The following PTK2 variants were observed in gnomAD, a reference collection of about 807,000 sequenced individuals.
PTK2 encodes protein tyrosine kinase 2.
In PTK2, 45 loss-of-function variants were observed where a neutral mutation model predicts 150.1. That is an observed-to-expected ratio of 0.30 (90% CI 0.24 to 0.38). PTK2 has a LOEUF of 0.38. Among genes scored for constraint, PTK2 ranks in the 10% least tolerant of loss-of-function variants. The pLI, the probability that PTK2 is intolerant of heterozygous loss-of-function variation, is 1.00. For missense variants in PTK2, 919 were observed against 1,307.3 expected (o/e 0.70, Z 4.58); for synonymous variants, 432 against 449.2 (o/e 0.96, Z 0.48).
At chr8:140,663,610 T>C (rs1157172153) in intron 31 of PTK2, among the ~76,000 whole-genome samples, 1 of 152,180 alleles carries the variant, frequency 6.6e-6, no homozygotes, top group Non-Finnish European at 1.5e-5. Context: ...TGAAACAAAA[T>C]TGCCAAAAGG....
chr8:140,915,033 CAAAAAAAAAAAAA>C (rs10661609), intron 2 of PTK2, among the ~76,000 whole-genome samples: 87 of 53,072 alleles, frequency 1.6e-3, no homozygotes, highest in Non-Finnish European at 2.3e-3. Flanking sequence ...AACTCCAACT[CAAAAAAAAAAAAA>C]AAAAAAAAAG....
chr8:140,899,399 C>A (rs192625474), intron 2 of PTK2, among the ~76,000 whole-genome samples: 25 of 152,248 alleles, frequency 1.6e-4, no homozygotes, highest in Middle Eastern at 3.4e-3. Flanking sequence ...CATTTGCTAA[C>A]AAATTTGAAA....
At chr8:140,903,571 C>T (rs1251321360) in intron 2 of PTK2, among the ~76,000 whole-genome samples, 1 of 152,036 alleles carries the variant, frequency 6.6e-6, no homozygotes, top group Non-Finnish European at 1.5e-5. Flanking sequence ...GGGACAGCAT[C>T]GAATCTATAA....
At chr8:140,687,768 G>A (rs991451927) in intron 26 of PTK2, among the ~76,000 whole-genome samples, 2 of 152,186 alleles carry the variant, frequency 1.3e-5, no homozygotes, top group Admixed American at 1.3e-4. Flanking sequence ...GGGTGCCAGG[G>A]TGTAGTAGGA....
At chr8:140,885,273 C>T (rs891153473) in intron 3 of PTK2, among the ~76,000 whole-genome samples, 2 of 152,152 alleles carry the variant, frequency 1.3e-5, no homozygotes, top group South Asian at 2.1e-4. Flanking sequence ...CTTCTGTGGT[C>T]AATGTTCCTA....
intron 10 of PTK2, among the ~76,000 whole-genome samples, chr8:140,805,192 G>A (rs1329008570): frequency 2.6e-5 from 4 of 152,162 alleles, no homozygotes; most frequent in Admixed American, 2.0e-4. Context: ...GTCTGCAAGA[G>A]ATTACTAACA....
chr8:140,719,253 C>T (rs951800649), intron 22 of PTK2, among the ~76,000 whole-genome samples: 6 of 152,262 alleles, frequency 3.9e-5, no homozygotes, highest in Middle Eastern at 3.4e-3. Context: ...TCTCAAGATA[C>T]GATTTTGGTT....
chr8:140,898,017 A>G (rs2154607617), intron 2 of PTK2, among the ~76,000 whole-genome samples: 1 of 152,368 alleles, frequency 6.6e-6, no homozygotes, highest in South Asian at 2.1e-4. Flanking sequence ...AAGATTTTAA[A>G]ACCAAAAACT....
At chr8:140,974,494 C>T (rs1047779719) in intron 1 of PTK2, among the ~76,000 whole-genome samples, 4 of 152,134 alleles carry the variant, frequency 2.6e-5, no homozygotes, top group Non-Finnish European at 5.9e-5. Flanking sequence ...TTCTGTCTTT[C>T]GGAAAGGAGG....
intron 1 of PTK2, among the ~76,000 whole-genome samples, chr8:140,941,665 T>C (rs2100175821): frequency 2.0e-5 from 3 of 152,122 alleles, no homozygotes; most frequent in Admixed American, 2.0e-4. Flanking sequence ...AAATGGCTGC[T>C]CCACAGGACA....
rs2094564871 is a variant in PTK2, at chr8:140,669,741, G to A, written c.2710-1317C>T. ...GATGTGCTTACCCTCCATGGCTATT[G>A]TCGAACGGAAGGTGAGGAAAAGTTA... On this transcript the variant is annotated intron_variant, in intron 29 of 31. Transcript: ENST00000522684. 2 of 1,533,666 alleles carry A rather than the reference G, an allele frequency of 1.3e-6. No homozygotes were observed. The highest frequency in any genetic ancestry group is 1.7e-6 in the Non-Finnish European group (2 of 1,145,022).
exon 24 of PTK2, chr8:140,706,183 C>A: frequency 1.4e-5 from 22 of 1,613,442 alleles, no homozygotes; most frequent in Non-Finnish European, 1.8e-5. Context: ...GGACCTCGGA[C>A]TGGGATAACC....
chr8:140,804,238 T>TC (rs2100096972), intron 10 of PTK2, among the ~76,000 whole-genome samples: 1 of 151,582 alleles, frequency 6.6e-6, no homozygotes, highest in Admixed American at 6.6e-5. Context: ...CTTTTTTTTT[T>TC]TCTTTTTCTT....
intron 11 of PTK2, 73 bp from the exon 12 acceptor site, chr8:140,800,649 A>C (rs2100094510): frequency 8.9e-7 from 1 of 1,125,356 alleles, no homozygotes; most frequent in African/African-American, 1.5e-5. Context: ...GTGCTATGAC[A>C]TCAGACATCT....
intron 7 of PTK2, among the ~76,000 whole-genome samples, chr8:140,845,827 C>T (rs1009829052): frequency 6.6e-6 from 1 of 152,128 alleles, no homozygotes; most frequent in South Asian, 2.1e-4. Flanking sequence ...GTCTGATGCA[C>T]ACATTAATTT....
At chr8:140,706,673 C>G (rs1413190963) in intron 23 of PTK2, among the ~76,000 whole-genome samples, 32 of 151,972 alleles carry the variant, frequency 2.1e-4, no homozygotes, top group Non-Finnish European at 1.5e-5. Context: ...TATGGCTATT[C>G]CTTAAAAATT....
chr8:140,715,603 C>T (rs2100039273), intron 23 of PTK2, among the ~76,000 whole-genome samples: 1 of 152,100 alleles, frequency 6.6e-6, no homozygotes, highest in Non-Finnish European at 1.5e-5. Flanking sequence ...GTGAAAGCAG[C>T]TGTGGATAAT....
At chr8:140,700,912 C>T (rs2100029899) in exon 26 of PTK2, 12 of 1,613,456 alleles carry the variant, frequency 7.4e-6, no homozygotes, top group Non-Finnish European at 1.0e-5. Flanking sequence ...CCTCTTTTTC[C>T]AGCCAGCGCT....
intron 2 of PTK2, among the ~76,000 whole-genome samples, chr8:140,895,888 T>C (rs954227516): frequency 6.6e-6 from 1 of 152,062 alleles, no homozygotes; most frequent in African/African-American, 2.4e-5. Flanking sequence ...AAAGAATGCA[T>C]ATTTAAAAGG....
Sources: allele counts gnomAD v4.1 joint callset (sites outside exome capture counted in the v4.1 genomes callset), GRCh38; gene constraint gnomAD v4.1.1; transcripts MANE v1.5; gene names NCBI Gene and HGNC (gene_info 2026-07-23, HGNC 2026-07-21).